Variants in SPECC1L observed in about 807,000 individuals in gnomAD.
SPECC1L encodes sperm antigen with calponin homology and coiled-coil domains 1 like.
SPECC1L carries 40 observed loss-of-function variants against 116.8 expected under a neutral mutation model. The ratio of observed to expected loss-of-function variants is 0.34; its 90% confidence interval spans 0.27 to 0.45. The LOEUF (loss-of-function observed/expected upper bound fraction) is 0.45. SPECC1L is among the 20% of genes least tolerant of loss of function. The probability of loss-of-function intolerance (pLI) is 1.00; values close to 1 mark genes in which losing one functional copy is unlikely to be tolerated. For missense variants in SPECC1L, 1,110 were observed against 1,373.6 expected (o/e 0.81, Z 3.03); for synonymous variants, 504 against 500.6 (o/e 1.01, Z -0.09).
intron 2 of SPECC1L, among the ~76,000 whole-genome samples, chr22:24,284,169 T>C (rs946231027): frequency 6.6e-6 from 1 of 152,182 alleles, no homozygotes; most frequent in Non-Finnish European, 1.5e-5. Flanking sequence ...AGGAGCTGAT[T>C]TGAGTCTTTT....
At chr22:24,351,706 C>T (rs143338528) in intron 11 of SPECC1L, among the ~76,000 whole-genome samples, 149 of 152,272 alleles carry the variant, frequency 9.8e-4, no homozygotes, top group African/African-American at 3.4e-3. Flanking sequence ...CCAAATGATT[C>T]GTGGCCATAA....
In SPECC1L at chr22:24,322,037, T is replaced by G. The variant is rs757073861; in HGVS notation, c.1057T>G (p.Tyr353Asp). ...DNLDSECSEVYQPLTSSDDAL... is the reference protein window; with the variant it reads ...DNLDSECSEVDQPLTSSDDAL... ...TTTAGACAGTGAGTGCAGTGAGGTC[T>G]ACCAGCCCCTCACATCGAGCGATGA... The change falls in exon 5 of 17, where the codon TAC becomes GAC. Residue 353 changes from tyrosine to aspartate, a missense_variant. This residue lies in a region of SPECC1L where 437 missense variants were observed against 482.6 expected (regional missense o/e 0.91). Transcript: ENST00000314328. 1 of 1,614,192 alleles carries G rather than the reference T, an allele frequency of 6.2e-7. No individual in the cohort carries two copies. The highest frequency in any genetic ancestry group is 8.5e-7 in the Non-Finnish European group (1 of 1,180,024).
At chr22:24,315,888 C>T (rs2040553381) in intron 4 of SPECC1L, among the ~76,000 whole-genome samples, 1 of 152,088 alleles carries the variant, frequency 6.6e-6, no homozygotes, top group South Asian at 2.1e-4. Flanking sequence ...CTGTGTCTTC[C>T]CTCTGTGTGT....
chr22:24,354,438 T>C (rs1356602714), intron 11 of SPECC1L, among the ~76,000 whole-genome samples: 1 of 152,230 alleles, frequency 6.6e-6, no homozygotes, highest in Non-Finnish European at 1.5e-5. Flanking sequence ...TATAGACTCA[T>C]GGATATTTGT....
intron 14 of SPECC1L, among the ~76,000 whole-genome samples, chr22:24,372,780 T>G (rs2041897202): frequency 6.6e-6 from 1 of 151,102 alleles, no homozygotes; most frequent in African/African-American, 2.4e-5. Flanking sequence ...GCCAGGGCAG[T>G]CAGGCAGGAG....
At chr22:24,393,138 G>A (rs1412424759) in intron 14 of SPECC1L, among the ~76,000 whole-genome samples, 3 of 152,230 alleles carry the variant, frequency 2.0e-5, no homozygotes, top group African/African-American at 7.2e-5. Context: ...ATGGGGCATA[G>A]GAGGCTTCTG....
intron 4 of SPECC1L, among the ~76,000 whole-genome samples, chr22:24,319,716 C>T (rs1219929128): frequency 6.6e-6 from 1 of 152,102 alleles, no homozygotes; most frequent in Non-Finnish European, 1.5e-5. Context: ...CTTTCGTTGT[C>T]TGTCTTTTTG....
At chr22:24,321,202 A>G (rs2040715237) in intron 4 of SPECC1L, 86 bp from the exon 5 acceptor site, 4 of 1,462,112 alleles carry the variant, frequency 2.7e-6, no homozygotes, top group South Asian at 1.1e-5. Flanking sequence ...ATTTCATCTC[A>G]TTACACCTGG....
intron 3 of SPECC1L, among the ~76,000 whole-genome samples, chr22:24,309,520 G>T (rs1317326024): frequency 6.6e-6 from 1 of 151,978 alleles, no homozygotes; most frequent in Non-Finnish European, 1.5e-5. Context: ...CCTGCCTCAG[G>T]CTCCTGAGTA....
chr22:24,280,577 A>AT (rs34634285), intron 2 of SPECC1L, among the ~76,000 whole-genome samples: 34,796 of 128,704 alleles, frequency 0.27, 4,925 homozygotes, highest in East Asian at 0.29. Flanking sequence ...TTTCAATAAC[A>AT]TTTTTTTTTT....
chr22:24,391,888 G>A (rs1365808081), intron 14 of SPECC1L, among the ~76,000 whole-genome samples: 2 of 152,198 alleles, frequency 1.3e-5, no homozygotes, highest in Admixed American at 6.5e-5. Context: ...GTAATAAAAT[G>A]GTTTGTTTGC....
At chr22:24,333,936 C>G (rs1290540068) in intron 8 of SPECC1L, among the ~76,000 whole-genome samples, 2 of 151,610 alleles carry the variant, frequency 1.3e-5, no homozygotes, top group Non-Finnish European at 2.9e-5. Flanking sequence ...TGGTATTTAC[C>G]AAGCAAATGA....
At chr22:24,272,747 A>C (rs1402388030) in intron 1 of SPECC1L, among the ~76,000 whole-genome samples, 1 of 152,136 alleles carries the variant, frequency 6.6e-6, no homozygotes, top group Non-Finnish European at 1.5e-5. Context: ...ATATAGTGAA[A>C]GGAGAAGTAT....
At chr22:24,277,610 A>T (rs1395626468) in intron 2 of SPECC1L, among the ~76,000 whole-genome samples, 14 of 152,340 alleles carry the variant, frequency 9.2e-5, no homozygotes, top group Non-Finnish European at 1.8e-4. Context: ...AGGTATTTTT[A>T]TGTAAATGGC....
chr22:24,304,087 C>T (rs1601523770), intron 3 of SPECC1L, among the ~76,000 whole-genome samples: 1 of 152,082 alleles, frequency 6.6e-6, no homozygotes, highest in Non-Finnish European at 1.5e-5. Flanking sequence ...TTTTATTTTT[C>T]TAACTTTTTT....
intron 4 of SPECC1L, among the ~76,000 whole-genome samples, chr22:24,314,312 G>C (rs12158133): frequency 1.2e-3 from 188 of 152,298 alleles, no homozygotes; most frequent in African/African-American, 4.1e-3. Context: ...GCCTCCCAAA[G>C]TGCTGGTATT....
intron 14 of SPECC1L, among the ~76,000 whole-genome samples, chr22:24,398,337 A>T (rs776428965): frequency 6.6e-6 from 1 of 152,224 alleles, no homozygotes; most frequent in Non-Finnish European, 1.5e-5. Context: ...ATATGAGAAG[A>T]GTGAGACTCA....
intron 8 of SPECC1L, among the ~76,000 whole-genome samples, chr22:24,331,782 A>G (rs993795505): frequency 9.2e-5 from 14 of 152,224 alleles, no homozygotes; most frequent in Admixed American, 9.2e-4. Flanking sequence ...AGGTCTTGGC[A>G]ATAAATTGCA....
chr22:24,363,444 A>G (rs1248655846), intron 12 of SPECC1L, 100 bp downstream of exon 12: 14 of 1,025,512 alleles, frequency 1.4e-5, no homozygotes, highest in East Asian at 2.5e-5. Context: ...GCCTCAAGCT[A>G]TGCTCTCACT....
Sources: allele counts gnomAD v4.1 joint callset (sites outside exome capture counted in the v4.1 genomes callset), GRCh38; gene constraint gnomAD v4.1.1; regional missense constraint gnomAD v4.1.1; transcripts MANE v1.5; gene names NCBI Gene and HGNC (gene_info 2026-07-23, HGNC 2026-07-21).